Variants in ATP6V0D2 observed in about 807,000 individuals in gnomAD.
ATP6V0D2 encodes the protein V-type proton ATPase subunit d 2.
In ATP6V0D2, 40 loss-of-function variants were observed where a neutral mutation model predicts 40.0. The ratio of observed to expected loss-of-function variants is 1.00; its 90% CI spans 0.78 to 1.30. ATP6V0D2 has a LOEUF of 1.30. Ranked by LOEUF, ATP6V0D2 falls within the 50% of genes most tolerant of loss-of-function variation. The pLI is 0.00. For synonymous variants in ATP6V0D2, 179 were observed against 156.3 expected, an observed-to-expected ratio of 1.15 and a Z score of -1.08; for missense variants, 470 against 423.1, an observed-to-expected ratio of 1.11 and a Z score of -0.97.
chr8:86,124,468 G>A (rs548487776), intron 2 of ATP6V0D2, among the ~76,000 whole-genome samples: 15 of 152,284 alleles, frequency 9.9e-5, no homozygotes, highest in African/African-American at 3.6e-4. Context: ...TAAAAATCAT[G>A]ATTTACTAGG....
In ATP6V0D2 at chr8:86,153,033, A is replaced by G; in HGVS notation, c.*56A>G. 1 of 1,398,320 alleles carries G rather than the reference A, an allele frequency of 7.2e-7. No homozygotes were observed. The highest frequency in any genetic ancestry group is 9.6e-7 in the Non-Finnish European group (1 of 1,046,772). The allele number at this position is 1,398,320 out of a possible 1,614,324, so 86.6% of individuals were successfully genotyped here. On this transcript the variant is annotated 3_prime_UTR_variant, in exon 8 of 8. Transcript: ENST00000285393. ...ATAAATGTTAAAAGGAAGTTATTGA[A>G]GAAAATAAAAGAAATTATGTTATAT...
chr8:86,145,758 G>A (rs1027294208), intron 5 of ATP6V0D2, among the ~76,000 whole-genome samples: 1 of 152,070 alleles, frequency 6.6e-6, no homozygotes, highest in Non-Finnish European at 1.5e-5. Context: ...TAATTCTTGT[G>A]GTTTGGAAAT....
intron 1 of ATP6V0D2, among the ~76,000 whole-genome samples, chr8:86,103,329 C>T (rs1818428225): frequency 1.3e-5 from 2 of 150,172 alleles, no homozygotes; most frequent in Admixed American, 1.3e-4. Context: ...TGGGATTTCA[C>T]CATGTTGGCC....
At chr8:86,105,742 G>A (rs1432644207) in intron 1 of ATP6V0D2, among the ~76,000 whole-genome samples, 3 of 148,622 alleles carry the variant, frequency 2.0e-5, no homozygotes, top group Admixed American at 6.9e-5. Context: ...AGTCTCCCGA[G>A]TAGCTGGGAC....
chr8:86,151,331 C>T, intron 6 of ATP6V0D2, 135 bp from the exon 7 acceptor site: 1 of 657,374 alleles, frequency 1.5e-6, no homozygotes, highest in East Asian at 3.1e-5. Context: ...GGCCAAAATC[C>T]TATAAAAAAA....
At chr8:86,154,223 CTCTT>C (rs1554590670) in exon 8 of ATP6V0D2, 1 of 152,192 alleles carries the variant, frequency 6.6e-6, no homozygotes, top group Non-Finnish European at 1.5e-5. Flanking sequence ...AGGTATATCT[CTCTT>C]TCTTGTGGTT....
intron 2 of ATP6V0D2, among the ~76,000 whole-genome samples, chr8:86,132,404 C>T (rs1360917269): frequency 1.3e-5 from 2 of 152,066 alleles, no homozygotes; most frequent in Non-Finnish European, 2.9e-5. Context: ...GCTCTTATGT[C>T]TAACTATAGA....
chr8:86,143,057 T>G, intron 5 of ATP6V0D2, 103 bp downstream of exon 5: 1 of 730,094 alleles, frequency 1.4e-6, no homozygotes. Context: ...TTTTTTTTAA[T>G]CTAGAAGTAA....
In ATP6V0D2 at chr8:86,127,209, A is replaced by G. The variant is rs559806880; in HGVS notation, c.303-12248A>G. Among the ~76,000 whole-genome samples, 6 of 152,338 alleles carry G rather than the reference A, an allele frequency of 3.9e-5. No individual in the cohort carries two copies. In the South Asian group the frequency reaches 1.0e-3, roughly 26 times the overall value. On this transcript the variant is annotated intron_variant, in intron 2 of 7. Transcript: ENST00000285393. ...ATTCAGCTGACTAGGAAATCACGCG[A>G]TATGACAGGGTTTCCCCATGTAAGC...
At chr8:86,133,622 C>T (rs1818858609) in intron 2 of ATP6V0D2, among the ~76,000 whole-genome samples, 1 of 151,848 alleles carries the variant, frequency 6.6e-6, no homozygotes, top group Non-Finnish European at 1.5e-5. Context: ...CGCCTGGCCA[C>T]AAGCAGAAAA....
chr8:86,120,403 A>C (rs1400087645), intron 2 of ATP6V0D2, among the ~76,000 whole-genome samples: 1 of 152,046 alleles, frequency 6.6e-6, no homozygotes, highest in Non-Finnish European at 1.5e-5. Flanking sequence ...TGTCTCAAAA[A>C]AAACCAAAAA....
chr8:86,112,912 C>T (rs1818542755), intron 1 of ATP6V0D2, among the ~76,000 whole-genome samples: 1 of 152,044 alleles, frequency 6.6e-6, no homozygotes, highest in Admixed American at 6.6e-5. Context: ...CCATTTAGTC[C>T]CACTGAACTT....
intron 2 of ATP6V0D2, among the ~76,000 whole-genome samples, chr8:86,117,189 T>C: frequency 6.6e-6 from 1 of 152,226 alleles, no homozygotes; most frequent in East Asian, 1.9e-4. Flanking sequence ...CATTGAACAC[T>C]TTTAATTAGC....
chr8:86,132,291 G>C (rs1394792071), intron 2 of ATP6V0D2, among the ~76,000 whole-genome samples: 1 of 151,916 alleles, frequency 6.6e-6, no homozygotes, highest in Non-Finnish European at 1.5e-5. Flanking sequence ...ATCAGGTCAG[G>C]GTATCTGAGG....
At chr8:86,117,976 G>C (rs906262950) in intron 2 of ATP6V0D2, among the ~76,000 whole-genome samples, 14 of 151,548 alleles carry the variant, frequency 9.2e-5, no homozygotes, top group African/African-American at 2.4e-4. Context: ...TATCACATCA[G>C]AGTGTTTTTC....
chr8:86,120,882 C>T (rs1166034632), intron 2 of ATP6V0D2, among the ~76,000 whole-genome samples: 1 of 152,066 alleles, frequency 6.6e-6, no homozygotes, highest in Non-Finnish European at 1.5e-5. Flanking sequence ...ATAAGGCAAA[C>T]AAATCAGAAA....
At chr8:86,109,499 T>A (rs1380918333) in intron 1 of ATP6V0D2, among the ~76,000 whole-genome samples, 2 of 152,168 alleles carry the variant, frequency 1.3e-5, no homozygotes, top group Non-Finnish European at 2.9e-5. Flanking sequence ...TACAGTATTA[T>A]AAGATTCCTA....
chr8:86,126,715 AG>A (rs554763403), intron 2 of ATP6V0D2, among the ~76,000 whole-genome samples: 67 of 152,310 alleles, frequency 4.4e-4, no homozygotes, highest in South Asian at 1.7e-3. Flanking sequence ...ACAATTGAAA[AG>A]CTTCATGAAA....
Position 86,151,477 on chromosome 8 carries a change from T to C in ATP6V0D2, c.828T>C (p.Pro276=). 10 of 1,604,080 alleles carry C rather than the reference T, an allele frequency of 6.2e-6. No individual in the cohort carries two copies. Among genetic ancestry groups the C allele is most frequent in the Non-Finnish European group, 8.5e-6 (10 of 1,175,416 alleles). Residue 276 remains proline, a synonymous_variant, in exon 7 of 8, where the codon CCT becomes CCC. Transcript: ENST00000285393. The part of the protein sequence containing the change: ...NVADHYGVYK[P]LFEAVGGSGG... ...TCTTTGTTTTTAAGGTATACAAACC[T>C]TTATTTGAAGCTGTAGGTGGCAGTG...
Sources: allele counts gnomAD v4.1 joint callset (sites outside exome capture counted in the v4.1 genomes callset), GRCh38; gene constraint gnomAD v4.1.1; transcripts MANE v1.5; gene names NCBI Gene and HGNC (gene_info 2026-07-23, HGNC 2026-07-21).